The following SORCS2 variants were observed in gnomAD, a reference collection of about 807,000 sequenced individuals.
The protein encoded by SORCS2 is VPS10 domain-containing receptor SorCS2.
Under a neutral mutation model 141.6 loss-of-function variants are expected in SORCS2, and 100 were observed. The observed-to-expected ratio is 0.71, with a 90% CI of 0.60 to 0.83. The LOEUF (loss-of-function observed/expected upper bound fraction) is 0.83. Ranked by LOEUF, SORCS2 falls within the 40% of genes least tolerant of loss-of-function variation. The pLI is 0.00. For missense variants in SORCS2, 1,646 were observed against 1,560.2 expected, an observed-to-expected ratio of 1.05 and a Z score of -0.93; for synonymous variants, 789 against 676.9, an observed-to-expected ratio of 1.17 and a Z score of -2.57.
rs535534246 is a variant in SORCS2, at chr4:7,461,778, C to T, written c.548+65423C>T. On this transcript the variant is annotated intron_variant, in intron 2 of 26. Coordinates refer to ENST00000507866, the MANE Select transcript of SORCS2 (RefSeq NM_020777.3). The stretch of plus-strand genomic sequence containing the variant: ...CACCTCTGACCCCTTCTTAGCTCCC[C>T]AACCCCTGCTGCCCAAAATATGGCC... Among the ~76,000 whole-genome samples, 40 of 152,236 alleles carry T rather than the reference C, an allele frequency of 2.6e-4. No individual in the cohort carries two copies. In the East Asian group the frequency reaches 6.4e-3, roughly 24 times the overall value.
chr4:7,480,477 A>G (rs1730564662), intron 2 of SORCS2, among the ~76,000 whole-genome samples: 1 of 152,180 alleles, frequency 6.6e-6, no homozygotes, highest in Admixed American at 6.5e-5. Context: ...GTGGGAGACC[A>G]TGCTCTGAAG....
Position 7,233,515 on chromosome 4 carries a change from C to T in SORCS2, c.480+40389C>T, listed in dbSNP as rs1035212768. ...TGGGCTCAGGGTGAGCAGACACTTGCTGGGTTCAGGGTGAGCAGACACTGG... is the reference window on the plus strand; with the variant it reads ...TGGGCTCAGGGTGAGCAGACACTTGTTGGGTTCAGGGTGAGCAGACACTGG... On this transcript the variant is annotated intron_variant, in intron 1 of 26. Coordinates refer to ENST00000507866, the MANE Select transcript of SORCS2 (RefSeq NM_020777.3). The surrounding 1 kb of genome is among the most constrained non-coding windows in gnomAD (Gnocchi z 4.5). Among the ~76,000 whole-genome samples the T allele has an allele frequency of 6.6e-6, 1 of 152,104 alleles. No individual in the cohort carries two copies. Among genetic ancestry groups the T allele is most frequent in the Non-Finnish European group, 1.5e-5 (1 of 68,012 alleles).
intron 2 of SORCS2, among the ~76,000 whole-genome samples, chr4:7,429,843 A>T (rs1726706664): frequency 6.6e-6 from 1 of 152,074 alleles, no homozygotes; most frequent in Non-Finnish European, 1.5e-5. Context: ...AAGTTATTTA[A>T]CCTCTCTGGT....
At chr4:7,634,631 G>A (rs1047772175) in intron 3 of SORCS2, among the ~76,000 whole-genome samples, 6 of 152,220 alleles carry the variant, frequency 3.9e-5, no homozygotes, top group African/African-American at 1.4e-4. Flanking sequence ...AATCATAGAT[G>A]TGGCTCTTCC....
chr4:7,505,086 G>A (rs557644408), intron 2 of SORCS2, among the ~76,000 whole-genome samples: 1 of 152,354 alleles, frequency 6.6e-6, no homozygotes, highest in Admixed American at 6.5e-5. Flanking sequence ...GGACTGTGCA[G>A]CCCATGGTGG....
intron 1 of SORCS2, among the ~76,000 whole-genome samples, chr4:7,288,181 G>C (rs1369462317): frequency 6.6e-6 from 1 of 152,172 alleles, no homozygotes; most frequent in Non-Finnish European, 1.5e-5. Flanking sequence ...GGCTCAGCCA[G>C]AACTGCCACC....
chr4:7,638,593 C>A, intron 4 of SORCS2, 101 bp downstream of exon 4: 1 of 1,285,244 alleles, frequency 7.8e-7, no homozygotes, highest in Non-Finnish European at 1.0e-6. Context: ...CCCGGAACCC[C>A]TGGGCTGGCT....
intron 3 of SORCS2, among the ~76,000 whole-genome samples, chr4:7,592,178 C>T (rs1203154263): frequency 1.3e-5 from 2 of 152,114 alleles, no homozygotes; most frequent in African/African-American, 4.8e-5. Flanking sequence ...TTGTTTATGG[C>T]GGCCTTGCCT....
chr4:7,678,405 C>T lies in SORCS2; in HGVS notation c.1341+2176C>T, dbSNP rs555466686. Among the ~76,000 whole-genome samples the T allele has an allele frequency of 2.8e-4, 42 of 149,108 alleles. No homozygotes were observed. In the East Asian group the frequency reaches 5.5e-3, roughly 20 times the overall value. ...TCTCTGAAAACCATCAAACATGGGT[C>T]ACAGCTGGTGGTTACAAGCACAACT... On this transcript the variant is annotated intron_variant, in intron 9 of 26. Coordinates refer to ENST00000507866, the MANE Select transcript of SORCS2 (RefSeq NM_020777.3).
chr4:7,547,648 C>A (rs1359069724), intron 3 of SORCS2, among the ~76,000 whole-genome samples: 2 of 152,200 alleles, frequency 1.3e-5, no homozygotes. Flanking sequence ...CTGCCTCCTT[C>A]CACCCACCTC....
intron 1 of SORCS2, among the ~76,000 whole-genome samples, chr4:7,281,729 T>C (rs559226143): frequency 6.6e-6 from 1 of 152,292 alleles, no homozygotes; most frequent in African/African-American, 2.4e-5. Flanking sequence ...ATGAGAATAA[T>C]TGTGTTGCGG....
At chr4:7,435,332 G>A (rs9997955) in intron 2 of SORCS2, among the ~76,000 whole-genome samples, 108,984 of 152,106 alleles carry the variant, frequency 0.72, 39,198 homozygotes, top group Middle Eastern at 0.8. Flanking sequence ...TGGGAGGTAC[G>A]GAAAGGCACC....
chr4:7,509,052 T>C (rs1391082956), intron 2 of SORCS2, among the ~76,000 whole-genome samples: 1 of 152,160 alleles, frequency 6.6e-6, no homozygotes, highest in African/African-American at 2.4e-5. Context: ...TAACCATTCA[T>C]CTGAGTGCAG....
intron 2 of SORCS2, among the ~76,000 whole-genome samples, chr4:7,528,087 A>C (rs1471087295): frequency 1.4e-5 from 2 of 140,510 alleles, no homozygotes; most frequent in Non-Finnish European, 1.6e-5. Context: ...CCAGCCTGTC[A>C]CCCCCATGAT....
chr4:7,446,101 C>G (rs184271653), intron 2 of SORCS2, among the ~76,000 whole-genome samples: 2 of 150,568 alleles, frequency 1.3e-5, no homozygotes, highest in Admixed American at 6.6e-5. Context: ...TTTCCCTTCC[C>G]TTTTGGTTGA....
chr4:7,630,558 G>A (rs1719821953), intron 3 of SORCS2, among the ~76,000 whole-genome samples: 1 of 152,172 alleles, frequency 6.6e-6, no homozygotes, highest in African/African-American at 2.4e-5. Context: ...ACCCAGACAT[G>A]ACCATCACGG....
chr4:7,676,184 C>T lies in SORCS2; in HGVS notation c.1296C>T (p.Arg432=), dbSNP rs1723095583. 1 of 1,554,278 alleles carries T rather than the reference C, an allele frequency of 6.4e-7. No homozygotes were observed. The highest frequency in any genetic ancestry group is 8.7e-7 in the Non-Finnish European group (1 of 1,148,566). ...VRYALVLQDV[R]SSRQAEESVL... ...ACGCGCTGGTGCTGCAGGACGTGCG[C>T]AGCTCACGGCAGGCGGAGGAGAGCG... Residue 432 remains arginine, a synonymous_variant, in exon 9 of 27, where the codon CGC becomes CGT. Coordinates refer to ENST00000507866, the MANE Select transcript of SORCS2 (RefSeq NM_020777.3).
Position 7,453,010 on chromosome 4 carries a change from GTGTTGGGGTCAGGCTCCA to G in SORCS2, c.548+56669_548+56686del, listed in dbSNP as rs1192018540. On this transcript the variant is annotated intron_variant, in intron 2 of 26. Coordinates refer to ENST00000507866, the MANE Select transcript of SORCS2 (RefSeq NM_020777.3). ...AGGCTCCGTGTTGGGGTCAGGCGCC[GTGTTGGGGTCAGGCTCCA>G]TGTTGGGGTCAGGTGCTGTGTGTTG... 1.2e-4 allele frequency among the ~76,000 whole-genome samples: 15 copies of G among 123,944 alleles called. 1 individual carries two copies. In the South Asian group the frequency reaches 3.4e-3, roughly 28 times the overall value. 81.3% of individuals were successfully genotyped at this position (123,944 alleles called of 152,430 possible).
At chr4:7,452,513 C>T (rs548402084) in intron 2 of SORCS2, among the ~76,000 whole-genome samples, 1 of 152,308 alleles carries the variant, frequency 6.6e-6, no homozygotes, top group Admixed American at 6.5e-5. Context: ...TCACCTCAAA[C>T]ACACATCACC....
Sources: allele counts gnomAD v4.1 joint callset (sites outside exome capture counted in the v4.1 genomes callset), GRCh38; gene constraint gnomAD v4.1.1; non-coding constraint Gnocchi (gnomAD v3.1); transcripts MANE v1.5; gene names NCBI Gene and HGNC (gene_info 2026-07-23, HGNC 2026-07-21).